TCEA3: variants seen among roughly 807,000 people sequenced by gnomAD.
TCEA3 encodes transcription elongation factor A3.
In TCEA3, 36 loss-of-function variants were observed where a neutral mutation model predicts 44.0. The observed-to-expected ratio is 0.82, with a 90% CI of 0.63 to 1.08. The LOEUF (loss-of-function observed/expected upper bound fraction) is 1.08. Among genes scored for constraint, TCEA3 ranks in the 50% least tolerant of loss-of-function variants. The pLI, the probability that TCEA3 is intolerant of heterozygous loss-of-function variation, is 0.00. For missense variants in TCEA3, 392 were observed against 441.2 expected, an observed-to-expected ratio of 0.89 and a Z score of 1.00; for synonymous variants, 162 against 159.7, an observed-to-expected ratio of 1.01 and a Z score of -0.11.
intron 7 of TCEA3, among the ~76,000 whole-genome samples, chr1:23,396,751 C>T (rs1639226773): frequency 1.3e-5 from 2 of 151,982 alleles, no homozygotes; most frequent in Admixed American, 6.6e-5. Flanking sequence ...ACCTGTAATC[C>T]CAGCACTTTG....
At chr1:23,398,047 A>G (rs1179294411) in intron 5 of TCEA3, 92 bp from the exon 6 acceptor site, 10 of 1,450,850 alleles carry the variant, frequency 6.9e-6, no homozygotes, top group Non-Finnish European at 4.7e-6. Flanking sequence ...ATGATCTCCT[A>G]TAATCCTCAT....
intron 7 of TCEA3, among the ~76,000 whole-genome samples, chr1:23,397,151 C>T (rs1049794919): frequency 1.3e-5 from 2 of 152,148 alleles, no homozygotes; most frequent in African/African-American, 4.8e-5. Flanking sequence ...ATTACACAGC[C>T]TAGCTGGCAC....
At chr1:23,412,099 A>G (rs777395685) in intron 4 of TCEA3, 2 of 152,216 alleles carry the variant, frequency 1.3e-5, no homozygotes, top group Non-Finnish European at 2.9e-5. Context: ...GTTTCCTGCA[A>G]TGATAGCTGA....
At chr1:23,413,468 C>T (rs1018369907) in intron 4 of TCEA3, among the ~76,000 whole-genome samples, 4 of 148,088 alleles carry the variant, frequency 2.7e-5, no homozygotes, top group Admixed American at 6.7e-5. Flanking sequence ...GAATCTCGCT[C>T]TGTCATCCAG....
Position 23,403,659 on chromosome 1 carries a change from C to A in TCEA3, c.443+5005G>T, listed in dbSNP as rs115340415. Reference sequence around the variant, plus strand: ...CTGAATTATCCATCCAAGTTACTGCCCCAAGTTATCCATCCAACTAGCAAA... The same window carrying A: ...CTGAATTATCCATCCAAGTTACTGCACCAAGTTATCCATCCAACTAGCAAA... On this transcript the variant is annotated intron_variant, in intron 5 of 10. Coordinates refer to ENST00000450454, the MANE Select transcript of TCEA3 (RefSeq NM_003196.3). 5.0e-3 allele frequency: 809 copies of A among 163,392 alleles called. 6 individuals carry two copies. The highest frequency in any genetic ancestry group is 6.5e-3 in the Non-Finnish European group (479 of 74,096). The allele number at this position is 163,392 out of a possible 1,614,324, so 10.1% of individuals were successfully genotyped here. A position where few individuals can be genotyped will look rare whatever the true frequency, so the allele number is the denominator to read the frequency against.
chr1:23,391,882 C>T (rs1372854094), intron 8 of TCEA3, among the ~76,000 whole-genome samples: 2 of 152,016 alleles, frequency 1.3e-5, no homozygotes, highest in Non-Finnish European at 2.9e-5. Flanking sequence ...CAGATTGTGC[C>T]ACTACACTCC....
In TCEA3 at chr1:23,417,956, C is replaced by G; in HGVS notation, c.186G>C (p.Lys62Asn). 6.2e-7 allele frequency: 1 copy of G among 1,614,098 alleles called. No homozygotes were observed. The highest frequency in any genetic ancestry group is 2.2e-5 in the East Asian group (1 of 44,892). The change falls in exon 3 of 11, where the codon AAG becomes AAC. Residue 62 changes from lysine to asparagine, a missense_variant. Lys to Asn is a moderately conservative substitution (Grantham distance 94). Transcript: ENST00000450454. Reference sequence around the variant, plus strand: ...GGACTTTGGCCAAGGACACCACCTCCTTGTCTGAGCAGTGCTTGCGGACCC... The same window carrying G: ...GGACTTTGGCCAAGGACACCACCTCGTTGTCTGAGCAGTGCTTGCGGACCC... The part of the protein sequence containing the change: ...VNGVRKHCSD[K>N]EVVSLAKVLI...
rs74062706 is a variant in TCEA3, at chr1:23,397,280, T to C, written c.664+265A>G. Among the ~76,000 whole-genome samples, 1,444 of 152,302 alleles carry C rather than the reference T, an allele frequency of 9.5e-3. 25 individuals carry two copies. Among genetic ancestry groups the C allele is most frequent in the African/African-American group, 0.033 (1,385 of 41,546 alleles). ...TTGACCTCTCTGAGTCTTAGTGACT[T>C]CACCCATGAAACTGGATAAATCAGG... On this transcript the variant is annotated intron_variant, in intron 7 of 10. Transcript: ENST00000450454.
intron 7 of TCEA3, among the ~76,000 whole-genome samples, chr1:23,394,710 A>G (rs563685329): frequency 6.6e-6 from 1 of 152,356 alleles, no homozygotes; most frequent in Admixed American, 6.5e-5. Flanking sequence ...TGCTGGTCAG[A>G]GTTACTTCTC....
chr1:23,398,228 C>G (rs116287741), intron 5 of TCEA3, among the ~76,000 whole-genome samples: 1 of 152,280 alleles, frequency 6.6e-6, no homozygotes, highest in African/African-American at 2.4e-5. Flanking sequence ...TCAGATAACA[C>G]ATCGACGAAC....
intron 5 of TCEA3, among the ~76,000 whole-genome samples, chr1:23,402,335 G>A (rs996962948): frequency 2.0e-5 from 3 of 152,090 alleles, no homozygotes; most frequent in Admixed American, 1.3e-4. Flanking sequence ...GTGAGACTGT[G>A]TTTCCAAAAA....
chr1:23,395,687 G>A (rs550803191), intron 7 of TCEA3, among the ~76,000 whole-genome samples: 1 of 152,138 alleles, frequency 6.6e-6, no homozygotes. Context: ...AATTAGCCAG[G>A]TGTGGTGGCG....
rs67325313 is a variant in TCEA3 at position 23,400,373 on chromosome 1, C to CTTTTTTTTTTTTT, written c.444-2431_444-2419dup. Reference sequence around the variant, plus strand: ...TACAGGCAGATGCCGCCACACCAGGCTTTTTTTTTTTTTTTGTAGAAATGG... The same window carrying CTTTTTTTTTTTTT: ...TACAGGCAGATGCCGCCACACCAGGCTTTTTTTTTTTTTTTTTTTTTTTTTTTTGTAGAAATGG... On this transcript the variant is annotated intron_variant, in intron 5 of 10. Transcript: ENST00000450454. Among the ~76,000 whole-genome samples, 583 of 133,336 alleles carry CTTTTTTTTTTTTT rather than the reference C, an allele frequency of 4.4e-3. 33 individuals are homozygous for CTTTTTTTTTTTTT. Among genetic ancestry groups the CTTTTTTTTTTTTT allele is most frequent in the African/African-American group, 0.017 (548 of 32,442 alleles). The allele number at this position is 133,336 out of a possible 152,430, so 87.5% of individuals were successfully genotyped here.
Position 23,392,801 on chromosome 1 carries a change from T to C in TCEA3, c.819+1078A>G, listed in dbSNP as rs925601958. On this transcript the variant is annotated intron_variant, in intron 8 of 10. Coordinates refer to ENST00000450454, the MANE Select transcript of TCEA3 (RefSeq NM_003196.3). ...CTCCACACATACACAGCCCCCACAC[T>C]CCACACATCATATATACCAGTGGTC... is the stretch of plus-strand genomic sequence containing the variant. 2.0e-5 allele frequency among the ~76,000 whole-genome samples: 3 copies of C among 151,622 alleles called. No individual in the cohort carries two copies. The South Asian group carries it at 6.3e-4, about 32-fold the overall frequency.
intron 5 of TCEA3, chr1:23,404,099 G>A (rs1335632395): frequency 4.3e-6 from 3 of 702,234 alleles, no homozygotes; most frequent in Admixed American, 2.0e-5. Context: ...TCTGGAGGCC[G>A]GGCCCGCTGC....
intron 9 of TCEA3, among the ~76,000 whole-genome samples, chr1:23,386,134 C>T (rs1638828257): frequency 6.6e-6 from 1 of 152,212 alleles, no homozygotes; most frequent in Non-Finnish European, 1.5e-5. Context: ...GGAACATTGT[C>T]TAGAAGCCAC....
chr1:23,418,308 A>G, intron 2 of TCEA3: 1 of 360,502 alleles, frequency 2.8e-6, no homozygotes, highest in South Asian at 4.3e-5. Context: ...CCCATTCCCA[A>G]CCCTCTAGTG....
intron 4 of TCEA3, chr1:23,410,961 A>C (rs1003275985): frequency 5.4e-6 from 1 of 186,014 alleles, no homozygotes; most frequent in African/African-American, 2.4e-5. Context: ...TTAGGACCTT[A>C]TCATGAGACA....
chr1:23,410,865 C>A, intron 4 of TCEA3: 1 of 156,640 alleles, frequency 6.4e-6, no homozygotes, highest in East Asian at 1.9e-4. Context: ...GGTACTTCAT[C>A]AGTTTGTAAG....
Sources: allele counts gnomAD v4.1 joint callset (sites outside exome capture counted in the v4.1 genomes callset), GRCh38; gene constraint gnomAD v4.1.1; transcripts MANE v1.5; gene names NCBI Gene and HGNC (gene_info 2026-07-23, HGNC 2026-07-21).